RBFOX2: variants seen among roughly 807,000 people sequenced by gnomAD.
RBFOX2 encodes RNA binding fox-1 homolog 2, also known as RNA binding protein fox-1 homolog 2.
A neutral mutation model predicts 49.1 loss-of-function variants in RBFOX2; 10 were observed. That is an observed-to-expected ratio of 0.20 (90% CI 0.13 to 0.35). RBFOX2 has a LOEUF of 0.35. RBFOX2 is among the 10% of genes least tolerant of loss of function. The pLI is 1.00. For missense variants in RBFOX2, 323 were observed against 486.9 expected (o/e 0.66, Z 3.17); for synonymous variants, 183 against 187.4 (o/e 0.98, Z 0.19).
chr22:35,783,779 C>G (rs2147213798), intron 2 of RBFOX2, among the ~76,000 whole-genome samples: 1 of 152,314 alleles, frequency 6.6e-6, no homozygotes, highest in East Asian at 1.9e-4. Flanking sequence ...CACAAGGAAG[C>G]CTGGAACTTT....
intron 1 of RBFOX2, among the ~76,000 whole-genome samples, chr22:35,856,048 G>C (rs1339035888): frequency 3.3e-5 from 5 of 151,986 alleles, no homozygotes; most frequent in Non-Finnish European, 7.4e-5. Context: ...AGCACACTTA[G>C]AATGTCTGTT....
intron 1 of RBFOX2, among the ~76,000 whole-genome samples, chr22:36,025,750 C>T (rs143855381): frequency 4.5e-4 from 69 of 152,242 alleles, no homozygotes; most frequent in African/African-American, 1.6e-3. Context: ...AGAACTTGGC[C>T]GGGTGCGGTG....
chr22:35,768,321 C>G (rs1290612024), exon 5 of RBFOX2: 1 of 1,614,160 alleles, frequency 6.2e-7, no homozygotes, highest in Non-Finnish European at 8.5e-7. Context: ...TGCATCAGCA[C>G]TATTCTCGAA....
intron 1 of RBFOX2, chr22:35,822,683 C>G: frequency 2.7e-6 from 1 of 365,404 alleles, no homozygotes; most frequent in Non-Finnish European, 5.3e-6. Flanking sequence ...GCAGAATGCC[C>G]TCCCTCTCCA....
intron 2 of RBFOX2, among the ~76,000 whole-genome samples, chr22:35,793,673 G>C (rs1321448425): frequency 6.6e-6 from 1 of 152,052 alleles, no homozygotes; most frequent in Non-Finnish European, 1.5e-5. Flanking sequence ...CATTTACTTA[G>C]AGCAACTCCC....
intron 1 of RBFOX2, among the ~76,000 whole-genome samples, chr22:35,855,929 C>A (rs982611211): frequency 2.0e-4 from 30 of 151,850 alleles, no homozygotes; most frequent in Admixed American, 1.8e-3. Flanking sequence ...ACTGCTTAAG[C>A]CTAGGAGGTG....
chr22:35,886,853 CAAG>C (rs1033160865), intron 1 of RBFOX2, among the ~76,000 whole-genome samples: 10 of 152,086 alleles, frequency 6.6e-5, no homozygotes, highest in African/African-American at 2.4e-4. Context: ...TTTCCAGAAC[CAAG>C]AAGGAGAAAG....
chr22:35,971,913 A>T (rs1234519207), intron 1 of RBFOX2, among the ~76,000 whole-genome samples: 1 of 59,788 alleles, frequency 1.7e-5, no homozygotes, highest in African/African-American at 6.5e-5. Context: ...TTTTCTCCCT[A>T]AAAAAAAAAA....
At chr22:35,744,657 C>A (rs1403711518) in intron 11 of RBFOX2, among the ~76,000 whole-genome samples, 1 of 152,188 alleles carries the variant, frequency 6.6e-6, no homozygotes, top group Non-Finnish European at 1.5e-5. Flanking sequence ...TATGACCCAT[C>A]GGCAGTGCAC....
chr22:35,904,618 T>C (rs2048929712), intron 1 of RBFOX2, among the ~76,000 whole-genome samples: 1 of 152,194 alleles, frequency 6.6e-6, no homozygotes, highest in Admixed American at 6.5e-5. Flanking sequence ...AACGTCAATA[T>C]GAAAAGGCAG....
intron 2 of RBFOX2, among the ~76,000 whole-genome samples, chr22:35,783,768 C>T (rs889388588): frequency 6.6e-6 from 1 of 152,160 alleles, no homozygotes; most frequent in Admixed American, 6.5e-5. Context: ...ATAGCAGGGC[C>T]CACAAGGAAG....
intron 1 of RBFOX2, among the ~76,000 whole-genome samples, chr22:35,856,304 A>G (rs1412333289): frequency 6.6e-6 from 1 of 152,192 alleles, no homozygotes; most frequent in Admixed American, 6.5e-5. Flanking sequence ...CTCAAGACTT[A>G]GCAAGCACTG....
intron 1 of RBFOX2, among the ~76,000 whole-genome samples, chr22:35,900,485 T>C (rs1426776420): frequency 6.6e-6 from 1 of 151,694 alleles, no homozygotes. Context: ...CCTCTATACA[T>C]AGTTTATATT....
intron 1 of RBFOX2, among the ~76,000 whole-genome samples, chr22:35,988,781 G>A (rs2057836741): frequency 6.6e-6 from 1 of 152,180 alleles, no homozygotes; most frequent in Non-Finnish European, 1.5e-5. Flanking sequence ...ATGTGGGATG[G>A]GAGGGACGAA....
exon 12 of RBFOX2, chr22:35,739,494 G>C (rs765114129): frequency 6.6e-6 from 1 of 152,600 alleles, no homozygotes; most frequent in Non-Finnish European, 1.5e-5. Flanking sequence ...AGGGAAAAAA[G>C]AGGATCAATT....
At chr22:35,987,224 C>A (rs1464616125) in intron 1 of RBFOX2, among the ~76,000 whole-genome samples, 3 of 152,106 alleles carry the variant, frequency 2.0e-5, no homozygotes, top group Non-Finnish European at 4.4e-5. Flanking sequence ...CTTCTGAATG[C>A]CACAATACTA....
exon 1 of RBFOX2, among the ~76,000 whole-genome samples, chr22:36,028,699 A>T (rs2059545790): frequency 6.7e-6 from 1 of 149,822 alleles, no homozygotes; most frequent in South Asian, 2.1e-4. Context: ...CCCCGCACGC[A>T]CACGCGAAAC....
At chr22:35,930,663 C>T (rs930497270) in intron 1 of RBFOX2, among the ~76,000 whole-genome samples, 4 of 151,846 alleles carry the variant, frequency 2.6e-5, no homozygotes, top group African/African-American at 9.7e-5. Flanking sequence ...AACCCCATCT[C>T]TACTAAAAAT....
At chr22:35,756,462 T>C (rs530421446) in intron 9 of RBFOX2, among the ~76,000 whole-genome samples, 67 of 152,306 alleles carry the variant, frequency 4.4e-4, no homozygotes, top group Non-Finnish European at 7.6e-4. Context: ...CAAAATCTGC[T>C]GGCTTGGAAA....
Sources: allele counts gnomAD v4.1 joint callset (sites outside exome capture counted in the v4.1 genomes callset), GRCh38; gene constraint gnomAD v4.1.1; transcripts MANE v1.5; gene names NCBI Gene and HGNC (gene_info 2026-07-23, HGNC 2026-07-21).